NOC2L: variants seen among roughly 807,000 people sequenced by gnomAD.
NOC2L encodes the protein nucleolar complex protein 2 homolog.
In NOC2L, 101 loss-of-function variants were observed where a neutral mutation model predicts 94.2. That is an observed-to-expected ratio of 1.07 (90% CI 0.91 to 1.26). The LOEUF (loss-of-function observed/expected upper bound fraction) is 1.26. NOC2L is among the 50% of genes most tolerant of loss of function. The pLI, the probability that NOC2L is intolerant of heterozygous loss-of-function variation, is 0.00. For synonymous variants in NOC2L, 531 were observed against 413.4 expected, an observed-to-expected ratio of 1.28 and a Z score of -3.45; for missense variants, 1,076 against 980.1, an observed-to-expected ratio of 1.10 and a Z score of -1.31.
rs1248097837 is a variant in NOC2L, at chr1:945,534, C to G, written c.2037G>C (p.Glu679Asp). ...DLNSSEEDDT[E>D]GFSERGILRP... ...AGGCCCCACCTCTCTCCGAGAATCC[C>G]TCGGTGTCGTCCTCTTCAGAGCTGT... Residue 679 changes from glutamate to aspartate, a missense_variant, in exon 17 of 19, where the codon GAG becomes GAC. Coordinates refer to ENST00000327044, the MANE Select transcript of NOC2L (RefSeq NM_015658.4). 6.2e-7 allele frequency: 1 copy of G among 1,613,930 alleles called. No homozygotes were observed. Among genetic ancestry groups the G allele is most frequent in the South Asian group, 1.1e-5 (1 of 91,076 alleles).
In NOC2L at chr1:956,981, C is replaced by T; in HGVS notation, c.399G>A (p.Gly133=). ...CCTTCAGCCCTCTGGGGACTCTGTCCCCATCTTCTCCTTCCTCCGCTCCAT... is the reference window on the plus strand; with the variant it reads ...CCTTCAGCCCTCTGGGGACTCTGTCTCCATCTTCTCCTTCCTCCGCTCCAT... The part of the protein sequence containing the change: ...EEDGAEEGED[G]DRVPRGLKGK... The change falls in exon 4 of 19, where the codon GGG becomes GGA. Residue 133 remains glycine, a synonymous_variant. Coordinates refer to ENST00000327044, the MANE Select transcript of NOC2L (RefSeq NM_015658.4). 11 of 1,614,094 alleles carry T rather than the reference C, an allele frequency of 6.8e-6. No individual in the cohort carries two copies. Among genetic ancestry groups the T allele is most frequent in the Non-Finnish European group, 9.3e-6 (11 of 1,180,030 alleles).
chr1:948,363 C>T, intron 13 of NOC2L, 127 bp downstream of exon 13: 1 of 1,053,432 alleles, frequency 9.5e-7, no homozygotes, highest in Non-Finnish European at 1.4e-6. Context: ...CTCCTGGGCC[C>T]CAGCCCTGGG....
At position 955,942 on chromosome 1, in the gene NOC2L, C is replaced by T; in HGVS notation, c.679G>A (p.Val227Met). ...TCTTACCTGCTGCTATCCTTTGCCACCTTTCCAAACAGCAGCTTCTGGAGA... is the reference window on the plus strand; with the variant it reads ...TCTTACCTGCTGCTATCCTTTGCCATCTTTCCAAACAGCAGCTTCTGGAGA... ...GCLQKLLFGK[V>M]AKDSSRMLQP... Residue 227 changes from valine to methionine, a missense_variant, in exon 6 of 19, where the codon GTG (valine) becomes ATG (methionine). Physicochemically the swap from Val to Met is conservative, Grantham distance 21 (BLOSUM62 1). Coordinates refer to ENST00000327044, the MANE Select transcript of NOC2L (RefSeq NM_015658.4). 1 of 1,613,908 alleles carries T rather than the reference C, an allele frequency of 6.2e-7. No individual in the cohort carries two copies. Among genetic ancestry groups the T allele is most frequent in the Non-Finnish European group, 8.5e-7 (1 of 1,179,934 alleles).
At position 952,124 on chromosome 1, in the gene NOC2L, C is replaced by A; in HGVS notation, c.1207G>T (p.Val403Leu). 6.2e-7 allele frequency: 1 copy of A among 1,613,644 alleles called. No individual in the cohort carries two copies. The highest frequency in any genetic ancestry group is 8.5e-7 in the Non-Finnish European group (1 of 1,179,992). Reference protein sequence around the residue: ...TTRKKETYQSVYNWQYVHCLF... With the variant: ...TTRKKETYQSLYNWQYVHCLF... ...CAGTGCACATACTGCCAGTTGTACACAGACTGGTATGTTTCCTGGTCAGAG... is the reference window on the plus strand; with the variant it reads ...CAGTGCACATACTGCCAGTTGTACAAAGACTGGTATGTTTCCTGGTCAGAG... The change falls in exon 11 of 19, where the codon GTG becomes TTG. Residue 403 changes from valine to leucine, a missense_variant. Physicochemically the swap from Val to Leu is conservative, Grantham distance 32. Around this residue, in one of 3 missense-constraint regions of NOC2L, gnomAD observed 615 missense variants for 577.4 expected, o/e 1.07. Transcript: ENST00000327044.
At chr1:954,104 C>A in intron 6 of NOC2L, 22 bp from the exon 7 acceptor site, 3 of 1,609,460 alleles carry the variant, frequency 1.9e-6, no homozygotes, top group Middle Eastern at 1.7e-4. Flanking sequence ...CCACCCACCC[C>A]TGGCTGGGAG....
In NOC2L at chr1:944,413, G is replaced by C; in HGVS notation, c.*281C>G. ...CCAGGGGCCTGCAGGCCTCCCCCTG[G>C]AACTGGGACTGGTCTCGGTCTGCTG... On this transcript the variant is annotated 3_prime_UTR_variant, in exon 19 of 19. Coordinates refer to ENST00000327044, the MANE Select transcript of NOC2L (RefSeq NM_015658.4). The C allele has an allele frequency of 8.9e-7, 1 of 1,127,332 alleles. No homozygotes were observed. The highest frequency in any genetic ancestry group is 2.2e-5 in the South Asian group (1 of 44,850). The allele number at this position is 1,127,332 out of a possible 1,614,324, so 69.8% of individuals were successfully genotyped here.
rs774269105 is a variant in NOC2L at position 952,016 on chromosome 1, T to C, written c.1315A>G (p.Ile439Val). 13 of 1,612,756 alleles carry C rather than the reference T, an allele frequency of 8.1e-6. No homozygotes were observed. The highest frequency in any genetic ancestry group is 2.7e-5 in the African/African-American group (2 of 75,032). ...QPLVYPLAQV[I>V]IGCIKLIPTA... Reference sequence around the variant, plus strand: ...ACAACTCACTTGATACAGCCAATGATGACTTGGGCAAGGGGGTAGACCAAG... The same window carrying C: ...ACAACTCACTTGATACAGCCAATGACGACTTGGGCAAGGGGGTAGACCAAG... Residue 439 changes from isoleucine to valine, a missense_variant, in exon 11 of 19, where the codon ATC becomes GTC. Physicochemically the swap from Ile to Val is conservative, Grantham distance 29 (BLOSUM62 3). Coordinates refer to ENST00000327044, the MANE Select transcript of NOC2L (RefSeq NM_015658.4).
Position 944,563 on chromosome 1 carries a change from T to TA in NOC2L, c.*130dup. 1.6e-6 allele frequency: 1 copy of TA among 636,590 alleles called. No individual in the cohort carries two copies. Among genetic ancestry groups the TA allele is most frequent in the Non-Finnish European group, 2.7e-6 (1 of 374,936 alleles). 39.4% of individuals were successfully genotyped at this position (636,590 alleles called of 1,614,324 possible). ...TTGGTCTTTCATGCTGAAAAATAAA[T>TA]AATAAAGCCTGTCCCGTGTCTACTG... On this transcript the variant is annotated 3_prime_UTR_variant, in exon 19 of 19. Coordinates refer to ENST00000327044, the MANE Select transcript of NOC2L (RefSeq NM_015658.4).
In NOC2L at chr1:948,090, A is replaced by C. The variant is rs1453757044; in HGVS notation, c.1659+41T>G. The C allele has an allele frequency of 7.9e-5, 118 of 1,487,262 alleles. No individual in the cohort carries two copies. In the Admixed American group the frequency reaches 2.3e-3, roughly 29 times the overall value. The allele number at this position is 1,487,262 out of a possible 1,614,324, so 92.1% of individuals were successfully genotyped here. ...GGGGCAGCCAAGCCCGTTATAAGAC[A>C]GTCTGAGTCGGCCACGAGCCGGTGT... On this transcript the variant is annotated intron_variant, in intron 14 of 18. Transcript: ENST00000327044.
At position 958,450 on chromosome 1, in the gene NOC2L, G is replaced by T; in HGVS notation, c.179+479C>A. The T allele has an allele frequency of 2.4e-5, 8 of 328,062 alleles. 1 individual carries two copies. The highest frequency in any genetic ancestry group is 1.9e-4 in the South Asian group (8 of 41,896). The allele number at this position is 328,062 out of a possible 1,614,324, so 20.3% of individuals were successfully genotyped here. On this transcript the variant is annotated intron_variant, in intron 2 of 18. Coordinates refer to ENST00000327044, the MANE Select transcript of NOC2L (RefSeq NM_015658.4). ...TTTTTAGTAGAGACATGATTTTTCCGTGTTGGTCAGGCTGGTCTCGAATTC... is the reference window on the plus strand; with the variant it reads ...TTTTTAGTAGAGACATGATTTTTCCTTGTTGGTCAGGCTGGTCTCGAATTC...
rs756795890 is a variant in NOC2L, at chr1:946,554, G to C, written c.1660-9C>G. The C allele has an allele frequency of 3.7e-6, 6 of 1,610,008 alleles. No homozygotes were observed. The African/African-American group carries it at 8.0e-5, about 21-fold the overall frequency. On this transcript the variant is annotated splice_polypyrimidine_tract_variant and intron_variant, in intron 14 of 18. Transcript: ENST00000327044. ...CGGAGGAACGACTTCAGCTGCGGAA[G>C]GGAGGGGTCAGCCACTGAAGCCCAG... is the stretch of plus-strand genomic sequence containing the variant.
chr1:959,084 G>A lies in NOC2L; in HGVS notation c.27-3C>T, dbSNP rs571095207. ...CCACCGTCAGCTCCGCCAGGCGCCT[G>A]CGGGTCACGCAGGAGTCACAGCTGC... On this transcript the variant is annotated splice_polypyrimidine_tract_variant and splice_region_variant and intron_variant, in intron 1 of 18. Transcript: ENST00000327044. 9.9e-6 allele frequency: 16 copies of A among 1,608,836 alleles called. No individual in the cohort carries two copies. The highest frequency in any genetic ancestry group is 1.1e-5 in the South Asian group (1 of 90,904).
At chr1:955,384 C>T (rs961513220) in intron 6 of NOC2L, among the ~76,000 whole-genome samples, 3 of 152,214 alleles carry the variant, frequency 2.0e-5, no homozygotes, top group Non-Finnish European at 2.9e-5. Flanking sequence ...TGCACAGCCC[C>T]GGAACCCCAA....
chr1:955,411 C>A (rs2100394298), intron 6 of NOC2L, among the ~76,000 whole-genome samples: 1 of 152,352 alleles, frequency 6.6e-6, no homozygotes, highest in African/African-American at 2.4e-5. Flanking sequence ...CCATGCTCTA[C>A]CAAATGCTTG....
chr1:952,490 A>C lies in NOC2L; in HGVS notation c.1113T>G (p.Gly371=), dbSNP rs767568289. ...AGAGGAAGGCGTGCTGGTAGGCCAC[A>C]CCCGGCTCCAGGGCCAGCAGCTCCG... ...TLTELLALEP[G]VAYQHAFLYI... The change falls in exon 10 of 19, where the codon GGT becomes GGG. Residue 371 remains glycine, a synonymous_variant. Coordinates refer to ENST00000327044, the MANE Select transcript of NOC2L (RefSeq NM_015658.4). 6.2e-7 allele frequency: 1 copy of C among 1,613,728 alleles called. No homozygotes were observed. The highest frequency in any genetic ancestry group is 8.5e-7 in the Non-Finnish European group (1 of 1,180,000).
At position 958,454 on chromosome 1, in the gene NOC2L, T is replaced by A. The variant is rs1173444555; in HGVS notation, c.179+475A>T. The A allele has an allele frequency of 2.4e-4, 81 of 334,970 alleles. 1 individual carries two copies. In the Admixed American group the frequency reaches 3.3e-3, roughly 14 times the overall value. The allele number at this position is 334,970 out of a possible 1,614,324, so 20.7% of individuals were successfully genotyped here. On this transcript the variant is annotated intron_variant, in intron 2 of 18. Transcript: ENST00000327044. The stretch of plus-strand genomic sequence containing the variant: ...TAGTAGAGACATGATTTTTCCGTGT[T>A]GGTCAGGCTGGTCTCGAATTCCTGA...
chr1:944,809 A>G lies in NOC2L; in HGVS notation c.2144-9T>C. 4 of 1,533,774 alleles carry G rather than the reference A, an allele frequency of 2.6e-6. No individual in the cohort carries two copies. The highest frequency in any genetic ancestry group is 3.5e-6 in the Non-Finnish European group (4 of 1,128,188). On this transcript the variant is annotated splice_polypyrimidine_tract_variant and intron_variant, in intron 18 of 18. Coordinates refer to ENST00000327044, the MANE Select transcript of NOC2L (RefSeq NM_015658.4). ...TGCGTCTGGGTCTCCATCTGCGGGGAGAGATGGAGGCTACATAAATTTTGC... is the reference window on the plus strand; with the variant it reads ...TGCGTCTGGGTCTCCATCTGCGGGGGGAGATGGAGGCTACATAAATTTTGC...
chr1:950,277 G>A (rs116767636), intron 12 of NOC2L, among the ~76,000 whole-genome samples: 3,642 of 151,916 alleles, frequency 0.024, 147 homozygotes, highest in East Asian at 0.13. Context: ...AGACACGTGT[G>A]TATGCACATA....
Position 956,944 on chromosome 1 carries a change from A to C in NOC2L, c.436T>G (p.Ser146Ala), listed in dbSNP as rs766979537. 1.2e-5 allele frequency: 19 copies of C among 1,613,914 alleles called. No individual in the cohort carries two copies. The Admixed American group carries it at 3.2e-4, about 27-fold the overall frequency. The part of the protein sequence containing the change: ...VPRGLKGKKN[S>A]VPVTVAMVER... ...ACCATGGCGACGGTCACAGGAACAGAATTCTTCTTCCCCTTCAGCCCTCTG... is the reference window on the plus strand; with the variant it reads ...ACCATGGCGACGGTCACAGGAACAGCATTCTTCTTCCCCTTCAGCCCTCTG... The change falls in exon 4 of 19, where the codon TCT becomes GCT. Residue 146 changes from serine to alanine, a missense_variant. This residue lies in a region of NOC2L where 457 missense variants were observed against 386.0 expected (regional missense o/e 1.18). Transcript: ENST00000327044.
Sources: allele counts gnomAD v4.1 joint callset (sites outside exome capture counted in the v4.1 genomes callset), GRCh38; gene constraint gnomAD v4.1.1; regional missense constraint gnomAD v4.1.1; transcripts MANE v1.5; gene names NCBI Gene and HGNC (gene_info 2026-07-23, HGNC 2026-07-21).